TRAPPC11: variants seen among roughly 807,000 people sequenced by gnomAD.
The protein encoded by TRAPPC11 is foie gras homolog.
In TRAPPC11, 104 loss-of-function variants were observed where a neutral mutation model predicts 151.2. That is an observed-to-expected ratio of 0.69 (90% CI 0.59 to 0.81). The LOEUF is 0.81. Ranked by LOEUF, TRAPPC11 falls within the 30% of genes least tolerant of loss-of-function variation. The probability of loss-of-function intolerance (pLI) is 0.00; values close to 1 mark genes in which losing one functional copy is unlikely to be tolerated. For missense variants in TRAPPC11, 1,230 were observed against 1,349.6 expected (o/e 0.91, Z 1.39); for synonymous variants, 456 against 472.3 (o/e 0.97, Z 0.45).
intron 22 of TRAPPC11, 132 bp downstream of exon 22, chr4:183,694,170 T>G (rs776835200): frequency 1.1e-4 from 103 of 953,388 alleles, no homozygotes; most frequent in Non-Finnish European, 1.5e-4. Flanking sequence ...CTAATGAACA[T>G]TTCATACACA....
intron 25 of TRAPPC11, among the ~76,000 whole-genome samples, chr4:183,699,124 AC>A (rs1033766826): frequency 3.3e-5 from 5 of 152,134 alleles, no homozygotes; most frequent in Non-Finnish European, 7.4e-5. Flanking sequence ...AGCTGCCTCT[AC>A]CCCAGGCTGT....
At chr4:183,706,440 G>A (rs571821311) in intron 27 of TRAPPC11, among the ~76,000 whole-genome samples, 6 of 151,798 alleles carry the variant, frequency 4.0e-5, no homozygotes, top group South Asian at 2.1e-4. Flanking sequence ...GGACAATGGC[G>A]TGAACCCGGG....
At chr4:183,690,155 ATT>A (rs1561049908) in intron 18 of TRAPPC11, among the ~76,000 whole-genome samples, 1 of 152,102 alleles carries the variant, frequency 6.6e-6, no homozygotes, top group Non-Finnish European at 1.5e-5. Context: ...GTGAGCTGAA[ATT>A]GCATTTCTAG....
intron 3 of TRAPPC11, 78 bp downstream of exon 3, chr4:183,666,504 A>AGTAC (rs2111302027): frequency 1.6e-6 from 2 of 1,252,366 alleles, no homozygotes; most frequent in Non-Finnish European, 2.2e-6. Flanking sequence ...AAGGCAATGG[A>AGTAC]GTACCGTTCA....
At chr4:183,683,104 C>G (rs1021479889) in intron 11 of TRAPPC11, among the ~76,000 whole-genome samples, 1 of 150,362 alleles carries the variant, frequency 6.7e-6, no homozygotes, top group Non-Finnish European at 1.5e-5. Context: ...AGGATCACAC[C>G]TGTGAACAGC....
At chr4:183,680,304 A>C (rs766953691) in intron 10 of TRAPPC11, 37 bp downstream of exon 10, 2 of 1,590,110 alleles carry the variant, frequency 1.3e-6, no homozygotes, top group South Asian at 1.2e-5. Flanking sequence ...GCACATAGAA[A>C]AGTTATTCTT....
intron 5 of TRAPPC11, among the ~76,000 whole-genome samples, chr4:183,668,475 C>T (rs1190417899): frequency 1.3e-5 from 2 of 152,146 alleles, no homozygotes; most frequent in South Asian, 4.1e-4. Flanking sequence ...AACATGCTTC[C>T]ATATGTGCAT....
intron 2 of TRAPPC11, among the ~76,000 whole-genome samples, chr4:183,664,909 T>C (rs1481203770): frequency 6.6e-6 from 1 of 152,020 alleles, no homozygotes; most frequent in Non-Finnish European, 1.5e-5. Context: ...AAATGTAGAT[T>C]GCAGCCCTCC....
intron 26 of TRAPPC11, 21 bp downstream of exon 26, chr4:183,701,829 G>A (rs752634201): frequency 3.7e-5 from 54 of 1,446,006 alleles, no homozygotes; most frequent in Non-Finnish European, 5.1e-5. Flanking sequence ...TGTCAATCCT[G>A]TCTTTTCTTC....
chr4:183,709,717 G>T (rs111671537), intron 29 of TRAPPC11, among the ~76,000 whole-genome samples: 42,163 of 152,094 alleles, frequency 0.28, 6,513 homozygotes, highest in African/African-American at 0.42. Flanking sequence ...AGAGCTTGCA[G>T]TGAGTGGAGG....
Position 183,679,299 on chromosome 4 carries a change from G to GTCT in TRAPPC11, c.832-52_832-50dup, listed in dbSNP as rs1735558207. 29 of 1,470,272 alleles carry GTCT rather than the reference G, an allele frequency of 2.0e-5. No homozygotes were observed. In the South Asian group the frequency reaches 4.1e-4, roughly 21 times the overall value. The allele number at this position is 1,470,272 out of a possible 1,614,324, so 91.1% of individuals were successfully genotyped here. ...CTCAAAATAGTTTTTAAATGAATAT[G>GTCT]TCTTTTGACTTTCTTTTTTTCCTTT... On this transcript the variant is annotated intron_variant, in intron 8 of 29. Transcript: ENST00000334690.
At chr4:183,674,075 A>G (rs1414469398) in intron 5 of TRAPPC11, among the ~76,000 whole-genome samples, 1 of 152,202 alleles carries the variant, frequency 6.6e-6, no homozygotes, top group Non-Finnish European at 1.5e-5. Flanking sequence ...TTTTATAAAA[A>G]TATAAAATAG....
At chr4:183,705,332 C>T (rs542377727) in intron 27 of TRAPPC11, among the ~76,000 whole-genome samples, 1 of 152,172 alleles carries the variant, frequency 6.6e-6, no homozygotes, top group Non-Finnish European at 1.5e-5. Context: ...AATATAATTA[C>T]AGTACCATTA....
rs1399865283 is a variant in TRAPPC11, at chr4:183,680,173, C to G, written c.1019C>G (p.Ala340Gly). The change falls in exon 10 of 30, where the codon GCT (alanine) becomes GGT (glycine). Residue 340 changes from alanine to glycine, a missense_variant. Physicochemically the swap from Ala to Gly is moderately conservative, Grantham distance 60. Coordinates refer to ENST00000334690, the MANE Select transcript of TRAPPC11 (RefSeq NM_021942.6). ...GAAGCTATTAAGTTAGGGTTAACAG[C>G]TATTCAAACTCAGAATCCTGGTTTC... ...FDEAIKLGLTAIQTQNPGFYY... is the reference protein window; with the variant it reads ...FDEAIKLGLTGIQTQNPGFYY... The G allele has an allele frequency of 6.2e-7, 1 of 1,613,862 alleles. No individual in the cohort carries two copies. Among genetic ancestry groups the G allele is most frequent in the Non-Finnish European group, 8.5e-7 (1 of 1,179,972 alleles).
Position 183,692,989 on chromosome 4 carries a change from TGAGACGGGAAGATGTGTGGTTTTAAATTG to T in TRAPPC11, c.2081_2109del (p.Glu694AlafsTer25), listed in dbSNP as rs1431621758. 1 of 1,612,708 alleles carries T rather than the reference TGAGACGGGAAGATGTGTGGTTTTAAATTG, an allele frequency of 6.2e-7. No individual in the cohort carries two copies. Among genetic ancestry groups the T allele is most frequent in the East Asian group, 2.2e-5 (1 of 44,832 alleles). On this transcript the variant is annotated frameshift_variant, in exon 20 of 30. Coordinates refer to ENST00000334690, the MANE Select transcript of TRAPPC11 (RefSeq NM_021942.6). LOFTEE classifies it high-confidence loss of function. ...CTTCAGTGGATCTTGCTCTGGGCAA[TGAGACGGGAAGATGTGTGGTTTTAAATTG>T]GCAGGGAGGAGGAGGAGATGCTGCT...
At chr4:183,706,069 C>CACACACACACACACACAT (rs1358620191) in intron 27 of TRAPPC11, 1 of 143,000 alleles carries the variant, frequency 7.0e-6, no homozygotes, top group African/African-American at 2.6e-5. Context: ...ACTGCCAGAA[C>CACACACACACACACACAT]ACACACACAC....
At chr4:183,701,631 G>A in intron 25 of TRAPPC11, 66 bp from the exon 26 acceptor site, 1 of 1,059,726 alleles carries the variant, frequency 9.4e-7, no homozygotes, top group Non-Finnish European at 1.5e-6. Context: ...TCTGTTACTT[G>A]GATGTGAAAC....
intron 25 of TRAPPC11, among the ~76,000 whole-genome samples, chr4:183,700,034 G>C (rs1415857497): frequency 1.3e-5 from 2 of 151,940 alleles, no homozygotes; most frequent in Admixed American, 6.6e-5. Context: ...CCGTGGTCTC[G>C]ATCTCCTGAC....
At chr4:183,697,652 C>G (rs752141487) in intron 24 of TRAPPC11, 27 bp from the exon 25 acceptor site, 1 of 1,611,866 alleles carries the variant, frequency 6.2e-7, no homozygotes, top group Non-Finnish European at 8.5e-7. Context: ...TAATTCCTGA[C>G]AGACCTTTTA....
Sources: gnomAD v4.1 joint callset for allele counts (sites outside exome capture counted in the v4.1 genomes callset) on GRCh38, gnomAD v4.1.1 for gene constraint, MANE v1.5 for transcripts, NCBI Gene and HGNC (gene_info 2026-07-23, HGNC 2026-07-21) for gene names.